The following ABCB5 variants were observed in gnomAD, a reference collection of about 807,000 sequenced individuals.
ABCB5 encodes ATP-binding cassette sub-family B member 5.
Under a neutral mutation model 144.2 loss-of-function variants are expected in ABCB5, and 155 were observed. That is an observed-to-expected ratio of 1.08 (90% CI 0.94 to 1.23). The LOEUF is 1.23. Among genes scored for constraint, ABCB5 ranks in the 50% most tolerant of loss-of-function variants. The pLI is 0.00. For missense variants in ABCB5, 1,830 were observed against 1,520.8 expected, an observed-to-expected ratio of 1.20 and a Z score of -3.38; for synonymous variants, 610 against 528.6, an observed-to-expected ratio of 1.15 and a Z score of -2.11.
chr7:20,681,046 T>A (rs111912563), intron 14 of ABCB5, among the ~76,000 whole-genome samples: 3,212 of 20,440 alleles, frequency 0.16, 512 homozygotes, highest in South Asian at 0.31. Flanking sequence ...CTTTCTTTCT[T>A]TCTCTCTCTC....
intron 14 of ABCB5, chr7:20,659,325 G>C: frequency 7.2e-7 from 1 of 1,397,302 alleles, no homozygotes; most frequent in African/African-American, 1.4e-5. Context: ...TTATAAACCA[G>C]AGCCTTCAGA....
chr7:20,651,572 G>A lies in ABCB5; in HGVS notation c.1485G>A (p.Glu495=). 2 of 1,614,122 alleles carry A rather than the reference G, an allele frequency of 1.2e-6. No homozygotes were observed. The highest frequency in any genetic ancestry group is 1.7e-6 in the Non-Finnish European group (2 of 1,179,998). The stretch of plus-strand genomic sequence containing the variant: ...ATGATGTGACTGATGAAGAGATGGA[G>A]AGAGCAGCAAGGGAAGCAAATGCGT... ...GRDDVTDEEM[E]RAAREANAYD... The change falls in exon 13 of 28, where the codon GAG becomes GAA. Residue 495 remains glutamate (E), a synonymous_variant. Coordinates refer to ENST00000404938, the MANE Select transcript of ABCB5 (RefSeq NM_001163941.2).
intron 14 of ABCB5, among the ~76,000 whole-genome samples, chr7:20,666,273 G>A (rs775008912): frequency 2.6e-5 from 4 of 152,152 alleles, no homozygotes; most frequent in Admixed American, 2.0e-4. Context: ...GGAAGGCAGT[G>A]AGTGGGAACT....
At chr7:20,700,437 G>C (rs1208064243) in intron 19 of ABCB5, among the ~76,000 whole-genome samples, 1 of 152,154 alleles carries the variant, frequency 6.6e-6, no homozygotes, top group East Asian at 1.9e-4. Context: ...GGATCAGAAC[G>C]GAAGGCCAAA....
chr7:20,635,716 G>A (rs1583382414), intron 5 of ABCB5, among the ~76,000 whole-genome samples: 1 of 152,020 alleles, frequency 6.6e-6, no homozygotes, highest in Admixed American at 6.6e-5. Context: ...CATTATTGGT[G>A]TATAGAAATG....
intron 1 of ABCB5, among the ~76,000 whole-genome samples, chr7:20,617,881 G>C (rs1403055581): frequency 1.3e-5 from 2 of 152,054 alleles, no homozygotes; most frequent in Non-Finnish European, 2.9e-5. Context: ...AAGAACATTA[G>C]ATAGTGATAA....
chr7:20,723,438 A>C (rs778443511), intron 21 of ABCB5, among the ~76,000 whole-genome samples: 3 of 152,240 alleles, frequency 2.0e-5, no homozygotes, highest in Non-Finnish European at 4.4e-5. Flanking sequence ...GATTTAGAGC[A>C]CAGGCTCTGG....
At chr7:20,660,769 C>T (rs1784978657) in intron 14 of ABCB5, among the ~76,000 whole-genome samples, 1 of 152,140 alleles carries the variant, frequency 6.6e-6, no homozygotes, top group South Asian at 2.1e-4. Flanking sequence ...AAGCCACTAA[C>T]CAACGAAAGA....
At chr7:20,705,860 C>T (rs895581265) in intron 20 of ABCB5, among the ~76,000 whole-genome samples, 3 of 151,362 alleles carry the variant, frequency 2.0e-5, no homozygotes, top group East Asian at 1.9e-4. Flanking sequence ...TCGGCAAGAT[C>T]GGATTTATAT....
intron 20 of ABCB5, among the ~76,000 whole-genome samples, chr7:20,719,436 C>T (rs760922128): frequency 2.6e-4 from 40 of 152,146 alleles, no homozygotes; most frequent in Non-Finnish European, 5.1e-4. Flanking sequence ...CCTCTTAGAT[C>T]TTTACTGAGT....
chr7:20,644,794 A>C (rs1242601086), intron 7 of ABCB5, among the ~76,000 whole-genome samples: 1 of 152,248 alleles, frequency 6.6e-6, no homozygotes, highest in East Asian at 1.9e-4. Flanking sequence ...ATTTTCAGCA[A>C]TAAAACTATT....
rs1025290662 is a variant in ABCB5 at position 20,738,983 on chromosome 7, A to C, written c.2868A>C (p.Ile956=). The C allele has an allele frequency of 6.3e-7, 1 of 1,591,288 alleles. No homozygotes were observed. The highest frequency in any genetic ancestry group is 8.5e-7 in the Non-Finnish European group (1 of 1,169,984). The change falls in exon 24 of 28, where the codon ATA becomes ATC. Residue 956 remains isoleucine (I), a splice_region_variant and synonymous_variant. Coordinates refer to ENST00000404938, the MANE Select transcript of ABCB5 (RefSeq NM_001163941.2). ...AGRMTPEGMF[I]VFTAIAYGAM... ...ATTCAAATGCTTTATCTTTTGATAG[A>C]GTTTTTACTGCAATTGCATATGGAG...
At chr7:20,752,982 T>C (rs907324303) in intron 26 of ABCB5, among the ~76,000 whole-genome samples, 2 of 152,276 alleles carry the variant, frequency 1.3e-5, no homozygotes, top group Non-Finnish European at 2.9e-5. Context: ...AATTTCCTTG[T>C]TGTTTTTACT....
At chr7:20,697,454 A>G (rs1436661462) in intron 16 of ABCB5, among the ~76,000 whole-genome samples, 5 of 152,194 alleles carry the variant, frequency 3.3e-5, no homozygotes, top group African/African-American at 1.2e-4. Context: ...TACTCAGAAT[A>G]ATTACTCACC....
intron 20 of ABCB5, among the ~76,000 whole-genome samples, chr7:20,721,025 T>C (rs1382198396): frequency 6.7e-6 from 1 of 148,950 alleles, no homozygotes; most frequent in Non-Finnish European, 1.5e-5. Flanking sequence ...CTAAATGAAA[T>C]GTGTGATTCC....
At position 20,685,602 on chromosome 7, in the gene ABCB5, C is replaced by G. The variant is rs530758142; in HGVS notation, c.1870-94C>G. On this transcript the variant is annotated intron_variant, in intron 15 of 27. Transcript: ENST00000404938. Reference sequence around the variant, plus strand: ...CATTAGAATATGCCACTTTCAATAGCAAAGGCGATAACAGCTTTAAAGAGA... The same window carrying G: ...CATTAGAATATGCCACTTTCAATAGGAAAGGCGATAACAGCTTTAAAGAGA... 4.8e-5 allele frequency: 56 copies of G among 1,156,788 alleles called. No homozygotes were observed. The East Asian group carries it at 1.2e-3, about 25-fold the overall frequency. 71.7% of individuals were successfully genotyped at this position (1,156,788 alleles called of 1,614,324 possible). A position where few individuals can be genotyped will look rare whatever the true frequency, so the allele number is the denominator to read the frequency against.
intron 23 of ABCB5, among the ~76,000 whole-genome samples, chr7:20,733,802 C>T (rs1782299740): frequency 1.3e-5 from 2 of 152,116 alleles, no homozygotes; most frequent in Non-Finnish European, 2.9e-5. Context: ...CCACACCTGG[C>T]TAATTTCTGC....
chr7:20,750,642 C>T (rs147588651), intron 26 of ABCB5, among the ~76,000 whole-genome samples: 2,628 of 151,942 alleles, frequency 0.017, 61 homozygotes, highest in African/African-American at 0.049. Context: ...GATAACATAT[C>T]GTATATGTAT....
At position 20,702,490 on chromosome 7, in the gene ABCB5, A is replaced by G. The variant is rs1326216885; in HGVS notation, c.2338-2234A>G. On this transcript the variant is annotated intron_variant, in intron 19 of 27. Coordinates refer to ENST00000404938, the MANE Select transcript of ABCB5 (RefSeq NM_001163941.2). The stretch of plus-strand genomic sequence containing the variant: ...GTCAGATGGCAGGCCGAACAAAATA[A>G]TTGATTAAGAACTTAAATAATCTGT... 2.0e-5 allele frequency among the ~76,000 whole-genome samples: 3 copies of G among 152,136 alleles called. No homozygotes were observed. In the East Asian group the frequency reaches 5.8e-4, roughly 29 times the overall value.
Sources: gnomAD v4.1 joint callset for allele counts (sites outside exome capture counted in the v4.1 genomes callset) on GRCh38, gnomAD v4.1.1 for gene constraint, MANE v1.5 for transcripts, NCBI Gene and HGNC (gene_info 2026-07-23, HGNC 2026-07-21) for gene names.